IL23R: variants seen among roughly 807,000 people sequenced by gnomAD.
IL23R encodes interleukin 23 receptor, also known as interleukin-23 receptor.
IL23R carries 34 observed loss-of-function variants against 56.9 expected under a neutral mutation model. The ratio of observed to expected loss-of-function variants is 0.60; its 90% CI spans 0.45 to 0.80. The LOEUF (loss-of-function observed/expected upper bound fraction) is 0.80, where lower values mean the gene tolerates loss of function less well. IL23R is among the 30% of genes least tolerant of loss of function. The pLI, the probability that IL23R is intolerant of heterozygous loss-of-function variation, is 0.00. For missense variants in IL23R, 635 were observed against 730.0 expected, an observed-to-expected ratio of 0.87 and a Z score of 1.50; for synonymous variants, 230 against 249.2, an observed-to-expected ratio of 0.92 and a Z score of 0.73.
chr1:67,170,285 T>A (rs553010430), intron 3 of IL23R, among the ~76,000 whole-genome samples: 1 of 152,296 alleles, frequency 6.6e-6, no homozygotes, highest in South Asian at 2.1e-4. Flanking sequence ...TTAAAGTACA[T>A]CAGTACCCAA....
chr1:67,256,013 TAAA>T (rs1652927280), intron 10 of IL23R, 86 bp downstream of exon 10: 1 of 775,078 alleles, frequency 1.3e-6, no homozygotes, highest in African/African-American at 1.7e-5. Flanking sequence ...TCCATTCAAA[TAAA>T]TAAATGTGCA....
intron 1 of IL23R, among the ~76,000 whole-genome samples, chr1:67,144,044 T>A (rs1339949724): frequency 1.3e-5 from 2 of 152,186 alleles, no homozygotes; most frequent in South Asian, 4.1e-4. Context: ...AAAATAATAA[T>A]GACTTGAAAT....
intron 7 of IL23R, among the ~76,000 whole-genome samples, chr1:67,220,569 A>G (rs2100233661): frequency 6.6e-6 from 1 of 152,068 alleles, no homozygotes; most frequent in East Asian, 1.9e-4. Context: ...ATTCCTGGGT[A>G]TAAAAACCAT....
chr1:67,145,576 T>C (rs1047152808), intron 1 of IL23R, among the ~76,000 whole-genome samples: 8 of 152,230 alleles, frequency 5.3e-5, no homozygotes, highest in Non-Finnish European at 4.4e-5. Flanking sequence ...TCAGTGACCA[T>C]GTCATATTCA....
intron 4 of IL23R, among the ~76,000 whole-genome samples, chr1:67,190,254 C>T (rs757152475): frequency 1.3e-5 from 2 of 152,140 alleles, no homozygotes; most frequent in Non-Finnish European, 2.9e-5. Flanking sequence ...AACATAGGTG[C>T]CATCACAGGC....
chr1:67,176,041 T>C (rs1262961033), intron 3 of IL23R, among the ~76,000 whole-genome samples: 1 of 152,130 alleles, frequency 6.6e-6, no homozygotes, highest in Non-Finnish European at 1.5e-5. Flanking sequence ...CAAATGCTGC[T>C]CAATGACATC....
intron 9 of IL23R, among the ~76,000 whole-genome samples, chr1:67,255,154 A>G (rs1295173855): frequency 6.6e-6 from 1 of 152,246 alleles, no homozygotes; most frequent in Non-Finnish European, 1.5e-5. Flanking sequence ...GTCACCTTGG[A>G]AAGTTCTACA....
intron 9 of IL23R, among the ~76,000 whole-genome samples, chr1:67,244,393 A>G (rs1203685294): frequency 6.6e-6 from 1 of 152,174 alleles, no homozygotes; most frequent in Non-Finnish European, 1.5e-5. Context: ...GCCCATGCCT[A>G]TGTCCTGAAT....
intron 1 of IL23R, among the ~76,000 whole-genome samples, chr1:67,167,678 A>G (rs527315534): frequency 6.6e-6 from 1 of 152,186 alleles, no homozygotes; most frequent in African/African-American, 2.4e-5. Flanking sequence ...GAGCTATGAT[A>G]ATGCCGCTGC....
At chr1:67,210,735 A>G (rs1189944563) in intron 6 of IL23R, among the ~76,000 whole-genome samples, 4 of 152,064 alleles carry the variant, frequency 2.6e-5, no homozygotes, top group African/African-American at 9.7e-5. Flanking sequence ...AGCCTCCCAA[A>G]GTGCTAGGAT....
At chr1:67,140,875 TA>T (rs1437963203) in intron 1 of IL23R, among the ~76,000 whole-genome samples, 2 of 152,156 alleles carry the variant, frequency 1.3e-5, no homozygotes, top group African/African-American at 4.8e-5. Context: ...TTTTATAGAT[TA>T]AAAAATGAAT....
intron 4 of IL23R, chr1:67,196,120 A>C (rs1175329901): frequency 2.0e-5 from 3 of 152,380 alleles, no homozygotes; most frequent in African/African-American, 7.2e-5. Context: ...ATGGTATTAG[A>C]TTTAAAAAAT....
intron 10 of IL23R, among the ~76,000 whole-genome samples, chr1:67,256,836 C>T (rs1298102388): frequency 2.0e-5 from 3 of 152,174 alleles, no homozygotes; most frequent in Admixed American, 6.5e-5. Flanking sequence ...ACTCTTTCCC[C>T]AACCTCATGT....
Position 67,166,485 on chromosome 1 carries a change from A to G in IL23R, c.-86A>G, listed in dbSNP as rs1043146958. 13 of 152,402 alleles carry G rather than the reference A, an allele frequency of 8.5e-5. No individual in the cohort carries two copies. The highest frequency in any genetic ancestry group is 3.1e-4 in the African/African-American group (13 of 41,472). 9.4% of individuals were successfully genotyped at this position (152,402 alleles called of 1,614,324 possible). A position where few individuals can be genotyped will look rare whatever the true frequency, so the allele number is the denominator to read the frequency against. On this transcript the variant is annotated 5_prime_UTR_variant, in exon 1 of 11. Transcript: ENST00000347310. Reference sequence around the variant, plus strand: ...TGAGGAAAGAAGACATGACACAGCCAACAAGGGTGGCAGCCTGGCTCTGAA... The same window carrying G: ...TGAGGAAAGAAGACATGACACAGCCGACAAGGGTGGCAGCCTGGCTCTGAA...
chr1:67,257,612 T>C (rs1481823856), intron 10 of IL23R, among the ~76,000 whole-genome samples: 1 of 152,252 alleles, frequency 6.6e-6, no homozygotes, highest in Admixed American at 6.5e-5. Flanking sequence ...TCCAGTCCAT[T>C]TATTGCCCAG....
At position 67,202,777 on chromosome 1, in the gene IL23R, G is replaced by A. The variant is rs535535242; in HGVS notation, c.652+1880G>A. On this transcript the variant is annotated intron_variant, in intron 5 of 10. Transcript: ENST00000347310. ...TCTTTTAGAGACAGAGTCTCATTTT[G>A]TTGCCCAAACTTGTCTCGAACTCTG... Among the ~76,000 whole-genome samples, 10 of 152,124 alleles carry A rather than the reference G, an allele frequency of 6.6e-5. No individual in the cohort carries two copies. In the South Asian group the frequency reaches 1.9e-3, roughly 28 times the overall value.
At chr1:67,175,148 G>C (rs913055849) in intron 3 of IL23R, among the ~76,000 whole-genome samples, 1 of 152,006 alleles carries the variant, frequency 6.6e-6, no homozygotes, top group Non-Finnish European at 1.5e-5. Context: ...AGGGGCTGGA[G>C]GGGATGTCAG....
chr1:67,152,039 A>G (rs2102534113), intron 1 of IL23R, among the ~76,000 whole-genome samples: 1 of 152,316 alleles, frequency 6.6e-6, no homozygotes, highest in African/African-American at 2.4e-5. Flanking sequence ...TTGAATCTAT[A>G]AATTACTTTG....
Position 67,169,411 on chromosome 1 carries a change from A to G in IL23R, c.140A>G (p.Asn47Ser), listed in dbSNP as rs761804830. Reference sequence around the variant, plus strand: ...GCCACAATTTTTAAGATGGGTATGAATATCTCTATATATTGCCAAGCAGCA... The same window carrying G: ...GCCACAATTTTTAAGATGGGTATGAGTATCTCTATATATTGCCAAGCAGCA... ...EPATIFKMGMNISIYCQAAIK... is the reference protein window; with the variant it reads ...EPATIFKMGMSISIYCQAAIK... The change falls in exon 3 of 11, where the codon AAT (asparagine) becomes AGT (serine). Residue 47 changes from asparagine (N) to serine (S), a missense_variant. Coordinates refer to ENST00000347310, the MANE Select transcript of IL23R (RefSeq NM_144701.3). 2.5e-6 allele frequency: 4 copies of G among 1,613,264 alleles called. No homozygotes were observed. Among genetic ancestry groups the G allele is most frequent in the Non-Finnish European group, 2.5e-6 (3 of 1,179,276 alleles).
Sources: allele counts gnomAD v4.1 joint callset (sites outside exome capture counted in the v4.1 genomes callset), GRCh38; gene constraint gnomAD v4.1.1; transcripts MANE v1.5; gene names NCBI Gene and HGNC (gene_info 2026-07-23, HGNC 2026-07-21).